Variants in SLC6A20 observed in about 807,000 individuals in gnomAD.
SLC6A20 encodes the protein sodium- and chloride-dependent transporter XTRP3.
A neutral mutation model predicts 64.3 loss-of-function variants in SLC6A20; 73 were observed. The ratio of observed to expected loss-of-function variants is 1.14; its 90% CI spans 0.94 to 1.38. SLC6A20 has a LOEUF of 1.38. Ranked by LOEUF, SLC6A20 falls within the 40% of genes most tolerant of loss-of-function variation. SLC6A20 has a pLI of 0.00. For missense variants in SLC6A20, 725 were observed against 772.8 expected, an observed-to-expected ratio of 0.94 and a Z score of 0.73; for synonymous variants, 347 against 329.6, an observed-to-expected ratio of 1.05 and a Z score of -0.57.
chr3:45,779,930 C>T, intron 3 of SLC6A20, 79 bp downstream of exon 3: 2 of 1,463,948 alleles, frequency 1.4e-6, no homozygotes, highest in Non-Finnish European at 1.9e-6. Flanking sequence ...CCCCACACCC[C>T]CTTCCCCGAG....
chr3:45,758,777 T>C lies in SLC6A20; in HGVS notation c.*201A>G, dbSNP rs992426709. ...CCCCCTTCCATGATGAGGAGGCAGG[T>C]GACAGGGAGGAACAGCCACCACGGG... On this transcript the variant is annotated 3_prime_UTR_variant, in exon 11 of 11. Transcript: ENST00000358525. 63 of 1,333,694 alleles carry C rather than the reference T, an allele frequency of 4.7e-5. No homozygotes were observed. Among genetic ancestry groups the C allele is most frequent in the Middle Eastern group, 2.7e-4 (1 of 3,658 alleles). The allele number at this position is 1,333,694 out of a possible 1,614,324, so 82.6% of individuals were successfully genotyped here.
At chr3:45,781,564 C>T (rs1405725161) in intron 2 of SLC6A20, among the ~76,000 whole-genome samples, 1 of 152,148 alleles carries the variant, frequency 6.6e-6, no homozygotes, top group African/African-American at 2.4e-5. Flanking sequence ...TGAAACAGTC[C>T]TCTCCTGCTG....
At position 45,793,221 on chromosome 3, in the gene SLC6A20, C is replaced by T. The variant is rs1490939113; in HGVS notation, c.121+3078G>A. Among the ~76,000 whole-genome samples, 4 of 152,196 alleles carry T rather than the reference C, an allele frequency of 2.6e-5. No individual in the cohort carries two copies. In the East Asian group the frequency reaches 5.8e-4, roughly 22 times the overall value. On this transcript the variant is annotated intron_variant, in intron 1 of 10. Transcript: ENST00000358525. ...TGCATAGTCAGGTGTCCTCTGATTT[C>T]CCCCTCAATATTGCAGAGAGAAAAT...
intron 9 of SLC6A20, among the ~76,000 whole-genome samples, chr3:45,761,831 A>C (rs1699687550): frequency 6.6e-6 from 1 of 152,138 alleles, no homozygotes; most frequent in Admixed American, 6.5e-5. Flanking sequence ...GAAAGACATC[A>C]ATTTGGCTTT....
intron 1 of SLC6A20, among the ~76,000 whole-genome samples, chr3:45,792,352 T>C (rs1700268887): frequency 1.3e-5 from 2 of 152,162 alleles, no homozygotes; most frequent in Admixed American, 6.5e-5. Context: ...TCTCCAGAAG[T>C]CTTGTTCTCT....
intron 1 of SLC6A20, among the ~76,000 whole-genome samples, chr3:45,789,989 T>C (rs1217960337): frequency 6.6e-6 from 1 of 152,204 alleles, no homozygotes; most frequent in Non-Finnish European, 1.5e-5. Flanking sequence ...ATTTTTCTAA[T>C]TATCATAGCC....
At chr3:45,770,553 A>T (rs1198373197) in intron 6 of SLC6A20, among the ~76,000 whole-genome samples, 182 bp from the exon 7 acceptor site, 2 of 152,178 alleles carry the variant, frequency 1.3e-5, no homozygotes, top group Admixed American at 1.3e-4. Context: ...CAGTGATGAC[A>T]ACAGGCACCA....
At chr3:45,784,999 TC>T (rs1700148653) in intron 1 of SLC6A20, among the ~76,000 whole-genome samples, 1 of 152,118 alleles carries the variant, frequency 6.6e-6, no homozygotes, top group South Asian at 2.1e-4. Context: ...AAGGCCAGAG[TC>T]CTCATGACCT....
At position 45,765,714 on chromosome 3, in the gene SLC6A20, T is replaced by C. The variant is rs755985582; in HGVS notation, c.1126A>G (p.Ile376Val). 1.1e-5 allele frequency: 17 copies of C among 1,614,004 alleles called. No individual in the cohort carries two copies. The highest frequency in any genetic ancestry group is 5.3e-5 in the African/African-American group (4 of 74,880). The stretch of plus-strand genomic sequence containing the variant: ...TTTTTAATGGCCTCTGTGTAGACGA[T>C]GAATGCCAGGCCAGTGCCCTGGACG... The part of the protein sequence containing the change: ...TAVQGTGLAF[I>V]VYTEAIKNME... The change falls in exon 8 of 11, where the codon ATC (isoleucine) becomes GTC (valine). Residue 376 changes from isoleucine to valine, a missense_variant. By Grantham distance (29) the Ile-to-Val change is conservative (BLOSUM62 3). Coordinates refer to ENST00000358525, the MANE Select transcript of SLC6A20 (RefSeq NM_020208.4). The surrounding 1 kb of genome is among the most constrained non-coding windows in gnomAD (Gnocchi z 4.2).
At position 45,796,176 on chromosome 3, in the gene SLC6A20, C is replaced by A. The variant is rs978974468; in HGVS notation, c.121+123G>T. ...ACACTCCCGGGTCTGTAACTTCGGA[C>A]AAATCACGCTCGCTTTCCCGGCCTC... is the stretch of plus-strand genomic sequence containing the variant. On this transcript the variant is annotated intron_variant, in intron 1 of 10. Coordinates refer to ENST00000358525, the MANE Select transcript of SLC6A20 (RefSeq NM_020208.4). 2.0e-6 allele frequency: 3 copies of A among 1,481,370 alleles called. No individual in the cohort carries two copies. The East Asian group carries it at 7.7e-5, about 38-fold the overall frequency. The allele number at this position is 1,481,370 out of a possible 1,614,324, so 91.8% of individuals were successfully genotyped here.
chr3:45,786,837 T>C (rs1006920494), intron 1 of SLC6A20, among the ~76,000 whole-genome samples: 1 of 152,228 alleles, frequency 6.6e-6, no homozygotes, highest in African/African-American at 2.4e-5. Context: ...GAGGCACACA[T>C]TGAGCCCTGT....
intron 7 of SLC6A20, among the ~76,000 whole-genome samples, chr3:45,767,753 G>A (rs1406389564): frequency 6.6e-6 from 1 of 152,210 alleles, no homozygotes; most frequent in Non-Finnish European, 1.5e-5. Flanking sequence ...TGTCTAGATT[G>A]CAGAGGCCAA....
chr3:45,756,622 G>C lies in SLC6A20; in HGVS notation c.*2356C>G, dbSNP rs1699548042. 6.6e-6 allele frequency: 1 copy of C among 152,104 alleles called. No individual in the cohort carries two copies. The highest frequency in any genetic ancestry group is 1.5e-5 in the Non-Finnish European group (1 of 68,032). 9.4% of individuals were successfully genotyped at this position (152,104 alleles called of 1,614,324 possible). On this transcript the variant is annotated 3_prime_UTR_variant, in exon 11 of 11. Coordinates refer to ENST00000358525, the MANE Select transcript of SLC6A20 (RefSeq NM_020208.4). ...AAATAAAAAGACATCTCCGGCCAAC[G>C]TCCCAGGTGAGTGTTTGTGTCTTCA...
intron 1 of SLC6A20, among the ~76,000 whole-genome samples, chr3:45,784,799 G>A (rs1369593696): frequency 6.6e-6 from 1 of 152,184 alleles, no homozygotes; most frequent in Non-Finnish European, 1.5e-5. Context: ...TGGAGGCTGG[G>A]AAGTCCAAGA....
chr3:45,790,637 C>T (rs1303859949), intron 1 of SLC6A20: 1 of 152,682 alleles, frequency 6.5e-6, no homozygotes, highest in Non-Finnish European at 1.5e-5. Flanking sequence ...TCTCTGCTCT[C>T]CTTGCTCATC....
At chr3:45,761,225 C>CT (rs1285253226) in intron 9 of SLC6A20, among the ~76,000 whole-genome samples, 1 of 148,992 alleles carries the variant, frequency 6.7e-6, no homozygotes, top group Non-Finnish European at 1.5e-5. Context: ...CCCCCATAAC[C>CT]CCCCCCCCTT....
At chr3:45,785,147 T>C (rs1575436259) in intron 1 of SLC6A20, among the ~76,000 whole-genome samples, 1 of 152,198 alleles carries the variant, frequency 6.6e-6, no homozygotes, top group East Asian at 1.9e-4. Flanking sequence ...GGCAAAACTA[T>C]AGGGACAGAA....
rs541888820 is a variant in SLC6A20 at position 45,757,881 on chromosome 3, G to A, written c.*1097C>T. ...ATAGAGTTGGCCACGATGTCCAAAT[G>A]TAATATTAAGCCTATGGGAAAGTCA... is the stretch of plus-strand genomic sequence containing the variant. On this transcript the variant is annotated 3_prime_UTR_variant, in exon 11 of 11. Transcript: ENST00000358525. 1 of 148,118 alleles carries A rather than the reference G, an allele frequency of 6.8e-6. No homozygotes were observed. Among genetic ancestry groups the A allele is most frequent in the South Asian group, 2.2e-4 (1 of 4,566 alleles). The allele number at this position is 148,118 out of a possible 1,614,324, so 9.2% of individuals were successfully genotyped here.
At position 45,782,081 on chromosome 3, in the gene SLC6A20, A is replaced by G. The variant is rs1384610323; in HGVS notation, c.262+2T>C. 6.2e-7 allele frequency: 1 copy of G among 1,603,480 alleles called. No homozygotes were observed. Among genetic ancestry groups the G allele is most frequent in the Non-Finnish European group, 8.5e-7 (1 of 1,174,172 alleles). ...GGAGAGGACTGGAGGGGCCCCACGTACCGACACCACTGAGGTACGGGCTGA... is the reference window on the plus strand; with the variant it reads ...GGAGAGGACTGGAGGGGCCCCACGTGCCGACACCACTGAGGTACGGGCTGA... On this transcript the variant is annotated splice_donor_variant, in intron 2 of 10. Coordinates refer to ENST00000358525, the MANE Select transcript of SLC6A20 (RefSeq NM_020208.4). LOFTEE classifies it high-confidence loss of function.
Sources: allele counts gnomAD v4.1 joint callset (sites outside exome capture counted in the v4.1 genomes callset), GRCh38; gene constraint gnomAD v4.1.1; non-coding constraint Gnocchi (gnomAD v3.1); transcripts MANE v1.5; gene names NCBI Gene and HGNC (gene_info 2026-07-23, HGNC 2026-07-21).